GNAI1: variants seen among roughly 807,000 people sequenced by gnomAD.
GNAI1 encodes guanine nucleotide-binding protein G(i) subunit alpha-1.
GNAI1 carries 11 observed loss-of-function variants against 38.9 expected under a neutral mutation model. The ratio of observed to expected loss-of-function variants is 0.28; its 90% CI spans 0.18 to 0.47. The LOEUF (loss-of-function observed/expected upper bound fraction) is 0.47, where lower values mean the gene tolerates loss of function less well. GNAI1 is among the 20% of genes least tolerant of loss of function. GNAI1 has a pLI of 0.99. For synonymous variants in GNAI1, 166 were observed against 145.1 expected, an observed-to-expected ratio of 1.14 and a Z score of -1.04; for missense variants, 317 against 436.9, an observed-to-expected ratio of 0.73 and a Z score of 2.45.
At chr7:80,135,323 G>GT in intron 1 of GNAI1, 45 bp downstream of exon 1, 1 of 1,153,024 alleles carries the variant, frequency 8.7e-7, no homozygotes, top group South Asian at 2.0e-5. Flanking sequence ...GGGGGACCGG[G>GT]TGCGGCGCTG....
At chr7:80,175,036 A>G (rs1403881848) in intron 1 of GNAI1, among the ~76,000 whole-genome samples, 1 of 152,232 alleles carries the variant, frequency 6.6e-6, no homozygotes, top group Non-Finnish European at 1.5e-5. Flanking sequence ...GTTGGTTATC[A>G]TGAGGGAAAG....
At chr7:80,152,196 T>C (rs1787739416) in intron 1 of GNAI1, among the ~76,000 whole-genome samples, 1 of 152,184 alleles carries the variant, frequency 6.6e-6, no homozygotes, top group Non-Finnish European at 1.5e-5. Context: ...GTCGTCTCCT[T>C]CTATACTGCC....
intron 1 of GNAI1, among the ~76,000 whole-genome samples, chr7:80,173,333 TTAGAG>T (rs1379226436): frequency 6.6e-6 from 1 of 152,146 alleles, no homozygotes; most frequent in African/African-American, 2.4e-5. Flanking sequence ...TTTAGTAGGA[TTAGAG>T]TAATTAATTT....
intron 1 of GNAI1, among the ~76,000 whole-genome samples, chr7:80,148,257 A>G (rs1351490681): frequency 3.3e-5 from 5 of 152,182 alleles, no homozygotes; most frequent in Non-Finnish European, 7.3e-5. Context: ...GATGCTTGGA[A>G]TTTTAGAACT....
chr7:80,158,646 T>G (rs1240394260), intron 1 of GNAI1, among the ~76,000 whole-genome samples: 2 of 152,242 alleles, frequency 1.3e-5, no homozygotes, highest in Non-Finnish European at 2.9e-5. Flanking sequence ...CCAGCCATGC[T>G]GAACTGTGAA....
Position 80,224,538 on chromosome 7 carries a change from G to A in GNAI1, c.*7045G>A, listed in dbSNP as rs139070152. 3.9e-5 allele frequency among the ~76,000 whole-genome samples: 6 copies of A among 152,272 alleles called. No individual in the cohort carries two copies. The highest frequency in any genetic ancestry group is 3.4e-3 in the Middle Eastern group (1 of 294). The stretch of plus-strand genomic sequence containing the variant: ...AATGGCATAAAGAAGTTTTTCACAA[G>A]GGTGCCACATGGTGTAGTGCAGCAT... On this transcript the variant is annotated 3_prime_UTR_variant, in exon 8 of 8. Coordinates refer to ENST00000649796, the MANE Select transcript of GNAI1 (RefSeq NM_002069.6).
chr7:80,151,072 C>T (rs1298595495), intron 1 of GNAI1, among the ~76,000 whole-genome samples: 1 of 152,098 alleles, frequency 6.6e-6, no homozygotes, highest in Admixed American at 6.6e-5. Context: ...GTTTGGCTTC[C>T]ACCCTGCATT....
chr7:80,200,324 C>CAAAAAAGAAAA (rs1788658601), intron 4 of GNAI1, among the ~76,000 whole-genome samples: 1 of 40,376 alleles, frequency 2.5e-5, no homozygotes, highest in Non-Finnish European at 3.7e-5. Flanking sequence ...GGCCATGTCT[C>CAAAAAAGAAAA]AAAAAAAAAA....
chr7:80,191,671 C>T (rs1475659595), intron 3 of GNAI1, among the ~76,000 whole-genome samples: 3 of 152,108 alleles, frequency 2.0e-5, no homozygotes, highest in African/African-American at 4.8e-5. Context: ...GGATTACAAG[C>T]GTGAGCCACC....
At chr7:80,174,578 T>C (rs1788150627) in intron 1 of GNAI1, among the ~76,000 whole-genome samples, 1 of 151,976 alleles carries the variant, frequency 6.6e-6, no homozygotes, top group African/African-American at 2.4e-5. Context: ...CTTTATATTT[T>C]ATTTATGGTT....
intron 3 of GNAI1, among the ~76,000 whole-genome samples, chr7:80,197,011 G>C (rs982790451): frequency 2.0e-5 from 3 of 151,678 alleles, no homozygotes; most frequent in African/African-American, 4.8e-5. Context: ...CTTCAGTCTG[G>C]ACTTCTGTAG....
At chr7:80,140,410 CAG>C (rs1162318577) in intron 1 of GNAI1, among the ~76,000 whole-genome samples, 2 of 152,184 alleles carry the variant, frequency 1.3e-5, no homozygotes, top group African/African-American at 2.4e-5. Context: ...ATTTTTTAAA[CAG>C]AAATTGTGTA....
chr7:80,205,963 A>T (rs1788767707), intron 5 of GNAI1, among the ~76,000 whole-genome samples: 1 of 150,808 alleles, frequency 6.6e-6, no homozygotes, highest in Non-Finnish European at 1.5e-5. Context: ...ATGATAAAGC[A>T]GAATTTCTAA....
intron 1 of GNAI1, among the ~76,000 whole-genome samples, chr7:80,144,645 A>G (rs998483871): frequency 1.4e-4 from 21 of 152,174 alleles, no homozygotes; most frequent in African/African-American, 5.1e-4. Context: ...GTTTGGGCAC[A>G]TACATCTTAT....
chr7:80,208,670 T>C (rs934702521), intron 5 of GNAI1, among the ~76,000 whole-genome samples: 4 of 152,180 alleles, frequency 2.6e-5, no homozygotes, highest in Non-Finnish European at 4.4e-5. Flanking sequence ...ATGTCCTCCT[T>C]CCCTGTGCGT....
intron 1 of GNAI1, among the ~76,000 whole-genome samples, chr7:80,142,059 C>T (rs1225826724): frequency 6.6e-6 from 1 of 152,176 alleles, no homozygotes. Flanking sequence ...CTTCTCACTT[C>T]GTTCTGAGCC....
chr7:80,152,389 A>G (rs1032681186), intron 1 of GNAI1, among the ~76,000 whole-genome samples: 2 of 152,212 alleles, frequency 1.3e-5, no homozygotes, highest in Admixed American at 6.5e-5. Flanking sequence ...ATTAATAACT[A>G]CAACACCATT....
At chr7:80,207,983 T>G (rs1220572401) in intron 5 of GNAI1, among the ~76,000 whole-genome samples, 1 of 152,144 alleles carries the variant, frequency 6.6e-6, no homozygotes, top group African/African-American at 2.4e-5. Flanking sequence ...AATTTCTATT[T>G]CATTTCTATA....
chr7:80,135,887 G>A, intron 1 of GNAI1: 1 of 985,360 alleles, frequency 1.0e-6, no homozygotes, highest in Non-Finnish European at 1.2e-6. Flanking sequence ...AGGCTGCGCT[G>A]GATGCTTGAT....
Sources: allele counts gnomAD v4.1 joint callset (sites outside exome capture counted in the v4.1 genomes callset), GRCh38; gene constraint gnomAD v4.1.1; transcripts MANE v1.5; gene names NCBI Gene and HGNC (gene_info 2026-07-23, HGNC 2026-07-21).